C10orf105: variants seen among roughly 807,000 people sequenced by gnomAD.
The protein encoded by C10orf105 is chromosome 10 open reading frame 105, also known as uncharacterized protein C10orf105.
In C10orf105, 2 loss-of-function variants were observed where a neutral mutation model predicts 0.6. That is an observed-to-expected ratio of 3.18 (90% confidence interval 1.30 to 10.01). The LOEUF is 10.01. C10orf105 is among the 30% of genes most tolerant of loss of function. C10orf105 has a pLI of 0.04. For missense variants in C10orf105, 209 were observed against 191.4 expected (o/e 1.09, Z -0.54); for synonymous variants, 95 against 82.4 (o/e 1.15, Z -0.83).
chr10:71,718,333 G>A (rs553538548), intron 1 of C10orf105, among the ~76,000 whole-genome samples: 92 of 152,322 alleles, frequency 6.0e-4, no homozygotes, highest in Middle Eastern at 3.4e-3. Context: ...AGCCAACTGA[G>A]GGCATGCAGA....
chr10:71,715,619 A>C lies in C10orf105; in HGVS notation c.*317T>G. 4.1e-6 allele frequency: 1 copy of C among 244,348 alleles called. No individual in the cohort carries two copies. Among genetic ancestry groups the C allele is most frequent in the East Asian group, 7.7e-5 (1 of 13,034 alleles). The allele number at this position is 244,348 out of a possible 1,614,324, so 15.1% of individuals were successfully genotyped here. A position where few individuals can be genotyped will look rare whatever the true frequency, so the allele number is the denominator to read the frequency against. On this transcript the variant is annotated 3_prime_UTR_variant, in exon 2 of 2. Transcript: ENST00000441508. The stretch of plus-strand genomic sequence containing the variant: ...TGTGGCGAGCGAGGGTGCTGCTTCT[A>C]GGAGGTGGTTACGAGCCCCAGGTTG...
At position 71,716,215 on chromosome 10, in the gene C10orf105, G is replaced by A. The variant is rs1318824491; in HGVS notation, c.123C>T (p.Ala41=). The change falls in exon 2 of 2, where the codon GCC becomes GCT. Residue 41 remains alanine, a synonymous_variant. Coordinates refer to ENST00000441508, the MANE Select transcript of C10orf105 (RefSeq NM_001164375.3). ...CCAGCAGGAGGAAGATGCAGGCCAG[G>A]GCGATGAGCATGGGGAGGGGGTCAG... ...EATDPLPMLI[A]LACIFLLLAT... The A allele has an allele frequency of 1.4e-5, 22 of 1,550,990 alleles. No homozygotes were observed. The highest frequency in any genetic ancestry group is 1.6e-5 in the Non-Finnish European group (18 of 1,146,768).
At chr10:71,732,250 G>A (rs745409129) in intron 1 of C10orf105, 1 of 1,613,722 alleles carries the variant, frequency 6.2e-7, no homozygotes, top group Non-Finnish European at 8.5e-7. Flanking sequence ...GGAGAATCTG[G>A]CACTGGGTAC....
At chr10:71,725,591 C>CATT in intron 1 of C10orf105, 4 of 1,518,162 alleles carry the variant, frequency 2.6e-6, no homozygotes, top group Non-Finnish European at 3.6e-6. Flanking sequence ...CAGAGAAGGC[C>CATT]ATTAGTTGGC....
At chr10:71,719,091 A>C (rs1484098050) in intron 1 of C10orf105, among the ~76,000 whole-genome samples, 1 of 152,050 alleles carries the variant, frequency 6.6e-6, no homozygotes, top group South Asian at 2.1e-4. Context: ...AAAATAAAAA[A>C]TAAAAAAAAA....
At position 71,719,099 on chromosome 10, in the gene C10orf105, A is replaced by T. The variant is rs371450750; in HGVS notation, c.-6+528T>A. The stretch of plus-strand genomic sequence containing the variant: ...TCTCAAAAAAATAAAAAATAAAAAA[A>T]AAATAAGTGGAGTTGTAATTAGCAT... On this transcript the variant is annotated intron_variant, in intron 1 of 1. Transcript: ENST00000441508. Among the ~76,000 whole-genome samples the T allele has an allele frequency of 1.4e-3, 218 of 152,242 alleles. 1 individual carries two copies. The highest frequency in any genetic ancestry group is 4.0e-3 in the African/African-American group (167 of 41,534).
At chr10:71,724,083 T>A (rs1223980355), upstream of C10orf105, 3 of 1,559,676 alleles carry the variant, frequency 1.9e-6, no homozygotes, top group African/African-American at 1.4e-5. Flanking sequence ...AGTTTGGGCG[T>A]GTGTGGTACC....
In C10orf105 at chr10:71,734,057, G is replaced by C. The variant is rs7069461; in HGVS notation, c.-6+3671C>G. ...CATACCTGGCTGGGGAAGCAGGAAG[G>C]CTTCATGGAAGAGGTGGCTTCCCAG... On this transcript the variant is annotated intron_variant, in intron 1 of 1. Transcript: ENST00000398786. Among the ~76,000 whole-genome samples the C allele has an allele frequency of 0.049, 7,523 of 152,298 alleles. 626 individuals carry two copies. The highest frequency in any genetic ancestry group is 0.17 in the African/African-American group (7,078 of 41,510).
intron 1 of C10orf105, among the ~76,000 whole-genome samples, chr10:71,733,846 C>T (rs558681746): frequency 1.3e-5 from 2 of 152,308 alleles, no homozygotes; most frequent in East Asian, 1.9e-4. Context: ...ACGTGACAGG[C>T]CTTGTCCTAG....
chr10:71,725,376 C>A (rs766367146), intron 1 of C10orf105: 1 of 1,614,022 alleles, frequency 6.2e-7, no homozygotes. Flanking sequence ...ACACAGGTAA[C>A]CATGGCAACA....
intron 1 of C10orf105, chr10:71,730,331 C>A: frequency 1.9e-6 from 2 of 1,063,884 alleles, no homozygotes; most frequent in Non-Finnish European, 2.6e-6. Flanking sequence ...ACCCACCAGA[C>A]AGGCCTGGGG....
upstream of C10orf105, among the ~76,000 whole-genome samples, chr10:71,719,997 C>T (rs536318752): frequency 3.3e-5 from 5 of 152,334 alleles, no homozygotes; most frequent in East Asian, 1.9e-4. Context: ...TCTGGGGAGA[C>T]GCAGGGGGAG....
chr10:71,734,166 G>C (rs759097851), intron 1 of C10orf105: 137 of 1,256,204 alleles, frequency 1.1e-4, no homozygotes, highest in Non-Finnish European at 1.5e-4. Context: ...CATGGAGGTG[G>C]AAAAGTGGGC....
intron 1 of C10orf105, chr10:71,717,352 C>T (rs1405277857): frequency 2.0e-5 from 3 of 152,236 alleles, no homozygotes; most frequent in Non-Finnish European, 2.9e-5. Context: ...GCCTTGCCAC[C>T]CCTCTGGCCC....
chr10:71,723,319 T>G (rs1195387849), upstream of C10orf105, among the ~76,000 whole-genome samples: 2 of 151,940 alleles, frequency 1.3e-5, no homozygotes, highest in African/African-American at 4.8e-5. Flanking sequence ...CATGTTGGGG[T>G]CAGCTATGGT....
Position 71,732,190 on chromosome 10 carries a change from C to A in C10orf105, c.-6+5538G>T. 9 of 1,613,926 alleles carry A rather than the reference C, an allele frequency of 5.6e-6. No individual in the cohort carries two copies. Among genetic ancestry groups the A allele is most frequent in the Non-Finnish European group, 7.6e-6 (9 of 1,179,826 alleles). ...CGTCTACATCACTCTGCTCAACGAG[C>A]TGGACGAGGCCGTGCAGTTCTCCAA... On this transcript the variant is annotated intron_variant, in intron 1 of 1. Coordinates refer to the C10orf105 transcript ENST00000398786.
chr10:71,711,794 C>T lies in C10orf105; in HGVS notation c.*4142G>A, dbSNP rs1449452943. On this transcript the variant is annotated 3_prime_UTR_variant, in exon 2 of 2. Coordinates refer to ENST00000441508, the MANE Select transcript of C10orf105 (RefSeq NM_001164375.3). ...GATCTGGTGTCTCTGGGCCCACATT[C>T]TGCCTGTCCGCTGTGGACTGGAGTG... is the stretch of plus-strand genomic sequence containing the variant. The T allele has an allele frequency of 6.6e-6, 1 of 152,182 alleles. No individual in the cohort carries two copies. Among genetic ancestry groups the T allele is most frequent in the African/African-American group, 2.4e-5 (1 of 41,440 alleles). The allele number at this position is 152,182 out of a possible 1,614,324, so 9.4% of individuals were successfully genotyped here.
At chr10:71,719,854 C>T (rs944188613), upstream of C10orf105, 1 of 152,682 alleles carries the variant, frequency 6.5e-6, no homozygotes, top group Admixed American at 6.5e-5. Flanking sequence ...GAGGGGATAG[C>T]TAAGGGAGTA....
At chr10:71,733,424 G>A (rs1363774493) in intron 1 of C10orf105, among the ~76,000 whole-genome samples, 3 of 152,188 alleles carry the variant, frequency 2.0e-5, no homozygotes, top group Admixed American at 6.5e-5. Flanking sequence ...AGTAAAGGGT[G>A]TAGAGGCAGG....
Sources: allele counts gnomAD v4.1 joint callset (sites outside exome capture counted in the v4.1 genomes callset), GRCh38; gene constraint gnomAD v4.1.1; transcripts MANE v1.5; gene names NCBI Gene and HGNC (gene_info 2026-07-23, HGNC 2026-07-21).